Variants in TRPM3 observed in about 807,000 individuals in gnomAD.
TRPM3 encodes transient receptor potential cation channel subfamily M member 3.
Under a neutral mutation model 181.2 loss-of-function variants are expected in TRPM3, and 77 were observed. That is an observed-to-expected ratio of 0.42 (90% CI 0.35 to 0.51). The LOEUF (loss-of-function observed/expected upper bound fraction) is 0.51. TRPM3 is among the 20% of genes least tolerant of loss of function. The probability of loss-of-function intolerance (pLI) is 0.01; values close to 1 mark genes in which losing one functional copy is unlikely to be tolerated. For synonymous variants in TRPM3, 745 were observed against 796.4 expected, an observed-to-expected ratio of 0.94 and a Z score of 1.09; for missense variants, 1,759 against 2,196.7, an observed-to-expected ratio of 0.80 and a Z score of 3.98.
intron 1 of TRPM3, among the ~76,000 whole-genome samples, chr9:71,103,104 T>C (rs1329045999): frequency 6.6e-6 from 1 of 152,190 alleles, no homozygotes; most frequent in Admixed American, 6.5e-5. Flanking sequence ...GGCATAAGAT[T>C]CATGTAAATA....
chr9:70,973,605 C>T (rs1010884632), intron 1 of TRPM3, among the ~76,000 whole-genome samples: 7 of 152,090 alleles, frequency 4.6e-5, no homozygotes, highest in African/African-American at 2.4e-5. Flanking sequence ...GATCTCTTCC[C>T]AACTCCATGT....
intron 1 of TRPM3, among the ~76,000 whole-genome samples, chr9:71,402,942 C>T (rs1462189036): frequency 1.3e-5 from 2 of 152,044 alleles, no homozygotes; most frequent in African/African-American, 2.4e-5. Context: ...CCATTTCTAC[C>T]CTTGCAAAAG....
At chr9:71,150,636 C>CA (rs1477549303) in intron 1 of TRPM3, among the ~76,000 whole-genome samples, 1 of 151,990 alleles carries the variant, frequency 6.6e-6, no homozygotes, top group East Asian at 1.9e-4. Context: ...TATGGATGCC[C>CA]AAATTCAATG....
intron 1 of TRPM3, among the ~76,000 whole-genome samples, chr9:71,011,926 G>A (rs1011205443): frequency 1.3e-5 from 2 of 151,688 alleles, no homozygotes; most frequent in African/African-American, 4.8e-5. Context: ...GACTACAGGT[G>A]CACACCACCA....
chr9:70,940,961 A>T (rs2096880267), intron 1 of TRPM3, among the ~76,000 whole-genome samples: 1 of 152,202 alleles, frequency 6.6e-6, no homozygotes, highest in Non-Finnish European at 1.5e-5. Context: ...AATAATGAAC[A>T]TTTTATTATT....
At chr9:71,208,933 G>A (rs1048915507) in intron 1 of TRPM3, among the ~76,000 whole-genome samples, 72 of 152,256 alleles carry the variant, frequency 4.7e-4, no homozygotes, top group African/African-American at 1.5e-3. Flanking sequence ...CCAGCTGCAC[G>A]AACCTCAAGA....
At chr9:71,411,226 C>T (rs1338385321) in intron 1 of TRPM3, among the ~76,000 whole-genome samples, 1 of 152,226 alleles carries the variant, frequency 6.6e-6, no homozygotes, top group South Asian at 2.1e-4. Context: ...CACTCCTATT[C>T]AACACAGTGT....
intron 1 of TRPM3, among the ~76,000 whole-genome samples, chr9:71,120,829 G>A (rs1363389757): frequency 6.6e-6 from 1 of 152,136 alleles, no homozygotes; most frequent in African/African-American, 2.4e-5. Flanking sequence ...AAGGGAGTAA[G>A]AGATTTCACT....
chr9:70,805,083 G>T (rs2090329823), intron 6 of TRPM3, among the ~76,000 whole-genome samples: 1 of 152,122 alleles, frequency 6.6e-6, no homozygotes, highest in African/African-American at 2.4e-5. Context: ...TTTATCAGTG[G>T]TTACTTTGGC....
intron 1 of TRPM3, among the ~76,000 whole-genome samples, chr9:71,320,831 A>G (rs1588473626): frequency 6.6e-6 from 1 of 152,216 alleles, no homozygotes; most frequent in East Asian, 1.9e-4. Context: ...CAACATGCCA[A>G]CGAGAAAGTG....
chr9:71,182,116 C>T (rs920502634), intron 1 of TRPM3, among the ~76,000 whole-genome samples: 2 of 152,210 alleles, frequency 1.3e-5, no homozygotes, highest in South Asian at 2.1e-4. Flanking sequence ...ATAAGATGAA[C>T]ACAAGCATAC....
intron 1 of TRPM3, among the ~76,000 whole-genome samples, chr9:70,948,351 T>C (rs1281726063): frequency 1.3e-5 from 2 of 152,176 alleles, no homozygotes; most frequent in South Asian, 2.1e-4. Flanking sequence ...TATGTCAATC[T>C]GAACATTGCT....
At chr9:71,421,424 AG>A (rs2093771916) in intron 1 of TRPM3, among the ~76,000 whole-genome samples, 2 of 151,966 alleles carry the variant, frequency 1.3e-5, no homozygotes, top group Non-Finnish European at 1.5e-5. Context: ...GCCTAAAGGC[AG>A]AACATAAATT....
At chr9:71,081,745 T>C (rs1232069355) in intron 1 of TRPM3, among the ~76,000 whole-genome samples, 2 of 152,170 alleles carry the variant, frequency 1.3e-5, no homozygotes, top group South Asian at 2.1e-4. Context: ...TTTAACTACA[T>C]GCTTTGTATC....
intron 1 of TRPM3, among the ~76,000 whole-genome samples, chr9:70,974,881 T>G (rs1197462854): frequency 6.8e-6 from 1 of 147,988 alleles, no homozygotes; most frequent in Non-Finnish European, 1.5e-5. Context: ...TTTTTTTTTT[T>G]TTGAGGTAGA....
At chr9:71,095,758 C>CAAAAAAAAAAAAAA (rs34934062) in intron 1 of TRPM3, among the ~76,000 whole-genome samples, 4 of 85,190 alleles carry the variant, frequency 4.7e-5, no homozygotes, top group Non-Finnish European at 7.0e-5. Flanking sequence ...GACTCTGTGT[C>CAAAAAAAAAAAAAA]AAAAAAAAAA....
intron 8 of TRPM3, among the ~76,000 whole-genome samples, chr9:70,695,773 C>T (rs1183916035): frequency 6.6e-6 from 1 of 152,198 alleles, no homozygotes; most frequent in East Asian, 1.9e-4. Context: ...CAAAAGGATA[C>T]TCCTTAGTTA....
chr9:70,547,113 T>C lies in TRPM3; in HGVS notation c.3707+2429A>G, dbSNP rs552603715. Among the ~76,000 whole-genome samples the C allele has an allele frequency of 7.2e-5, 11 of 152,270 alleles. No homozygotes were observed. The South Asian group carries it at 2.3e-3, about 32-fold the overall frequency. On this transcript the variant is annotated intron_variant, in intron 25 of 25. Coordinates refer to ENST00000677713, the MANE Select transcript of TRPM3 (RefSeq NM_001366145.2). ...AATCTCACTCTGTAAAGAAACTCCT[T>C]TTCCTAAGTCTTTTAGTAGGACAAA...
chr9:71,050,466 A>C (rs973765684), intron 1 of TRPM3, among the ~76,000 whole-genome samples: 3 of 152,228 alleles, frequency 2.0e-5, no homozygotes, highest in Non-Finnish European at 2.9e-5. Flanking sequence ...TCAGACAGAA[A>C]TCACAAGAAA....
Sources: allele counts gnomAD v4.1 joint callset (sites outside exome capture counted in the v4.1 genomes callset), GRCh38; gene constraint gnomAD v4.1.1; transcripts MANE v1.5; gene names NCBI Gene and HGNC (gene_info 2026-07-23, HGNC 2026-07-21).